Variants in PREX1 observed in about 807,000 individuals in gnomAD.
The protein encoded by PREX1 is phosphatidylinositol-3,4,5-trisphosphate dependent Rac exchange factor 1, also known as phosphatidylinositol 3,4,5-trisphosphate-dependent Rac exchanger 1 protein.
Under a neutral mutation model 198.3 loss-of-function variants are expected in PREX1, and 41 were observed. That is an observed-to-expected ratio of 0.21 (90% CI 0.16 to 0.27). The LOEUF (loss-of-function observed/expected upper bound fraction) is 0.27, where lower values mean the gene tolerates loss of function less well. Ranked by LOEUF, PREX1 falls within the 10% of genes least tolerant of loss-of-function variation. The pLI, the probability that PREX1 is intolerant of heterozygous loss-of-function variation, is 1.00. For synonymous variants in PREX1, 843 were observed against 887.2 expected, an observed-to-expected ratio of 0.95 and a Z score of 0.89; for missense variants, 1,620 against 2,200.7, an observed-to-expected ratio of 0.74 and a Z score of 5.28.
the PREX1 span, among the ~76,000 whole-genome samples, chr20:48,885,157 A>G: frequency 6.6e-6 from 1 of 152,226 alleles, no homozygotes; most frequent in Non-Finnish European, 1.5e-5. Flanking sequence ...CATAATAAGG[A>G]GTCTAATACT....
intron 5 of PREX1, 56 bp from the exon 6 acceptor site, chr20:48,708,477 G>C: frequency 6.4e-7 from 1 of 1,573,856 alleles, no homozygotes; most frequent in Non-Finnish European, 8.7e-7. Context: ...ATCCAGAGGA[G>C]ACCCAGGCCA....
rs184254083 is a variant in PREX1, at chr20:48,799,191, T to C, written c.219+28451A>G. Among the ~76,000 whole-genome samples the C allele has an allele frequency of 1.1e-3, 169 of 152,296 alleles. 1 individual carries two copies. Among genetic ancestry groups the C allele is most frequent in the African/African-American group, 3.8e-3 (159 of 41,564 alleles). On this transcript the variant is annotated intron_variant, in intron 1 of 39. Transcript: ENST00000371941. ...GCCACCCCACCTGGCCCTGAATAAATAGCATTTTAATTTAAAATATAACAG... is the reference window on the plus strand; with the variant it reads ...GCCACCCCACCTGGCCCTGAATAAACAGCATTTTAATTTAAAATATAACAG...
rs370929900 is a variant in PREX1, at chr20:48,653,343, G to C, written c.2346+18C>G. The C allele has an allele frequency of 6.8e-6, 11 of 1,606,894 alleles. 1 individual carries two copies. In the Middle Eastern group the frequency reaches 1.7e-3, roughly 242 times the overall value. On this transcript the variant is annotated intron_variant, in intron 20 of 39. Coordinates refer to ENST00000371941, the MANE Select transcript of PREX1 (RefSeq NM_020820.4). ...TCAGCAGGACTTCTTTGACGGCCCCGGTTTCCAGTAAACTTACCAGGGCCT... is the reference window on the plus strand; with the variant it reads ...TCAGCAGGACTTCTTTGACGGCCCCCGTTTCCAGTAAACTTACCAGGGCCT...
chr20:48,700,822 G>A lies in PREX1; in HGVS notation c.848C>T (p.Ala283Val), dbSNP rs746332373. The A allele has an allele frequency of 1.1e-5, 17 of 1,614,044 alleles. No homozygotes were observed. The highest frequency in any genetic ancestry group is 2.2e-5 in the East Asian group (1 of 44,894). ...GAAGGCCCTTTCCTGGATGTTGCCCGCAGAGATCTTTAACAAAGTCCCTTG... is the reference window on the plus strand; with the variant it reads ...GAAGGCCCTTTCCTGGATGTTGCCCACAGAGATCTTTAACAAAGTCCCTTG... ...LLQGTLLKIS[A>V]GNIQERAFFL... The change falls in exon 7 of 40, where the codon GCG becomes GTG. Residue 283 changes from alanine (A) to valine (V), a missense_variant. Transcript: ENST00000371941.
intron 10 of PREX1, among the ~76,000 whole-genome samples, chr20:48,682,870 C>G (rs1363692451): frequency 6.6e-6 from 1 of 152,212 alleles, no homozygotes; most frequent in African/African-American, 2.4e-5. Context: ...CCCTGCTTAT[C>G]GAAACCAGCT....
At chr20:48,628,611 T>G (rs1425565710) in intron 37 of PREX1, among the ~76,000 whole-genome samples, 27 of 152,168 alleles carry the variant, frequency 1.8e-4, no homozygotes, top group Admixed American at 1.8e-3. Context: ...CTCCCTCCCC[T>G]AAGTTGTGAC....
At chr20:48,856,988 T>C in the PREX1 span, among the ~76,000 whole-genome samples, 1 of 152,160 alleles carries the variant, frequency 6.6e-6, no homozygotes, top group African/African-American at 2.4e-5. Context: ...TACAGGTGCA[T>C]GCCACCATGC....
At chr20:48,885,634 A>C in the PREX1 span, among the ~76,000 whole-genome samples, 1 of 151,624 alleles carries the variant, frequency 6.6e-6, no homozygotes, top group African/African-American at 2.4e-5. Context: ...CATAGTTGCC[A>C]AAATCTTGGA....
In PREX1 at chr20:48,636,689, G is replaced by C. The variant is rs1251121899; in HGVS notation, c.3947-6C>G. ...GCGCAGCTGCAGCTCCGTGTCTGGG[G>C]GCAGAGGGCAGGAGGCCTTGCTGGA... On this transcript the variant is annotated splice_region_variant and splice_polypyrimidine_tract_variant and intron_variant, in intron 31 of 39. Coordinates refer to ENST00000371941, the MANE Select transcript of PREX1 (RefSeq NM_020820.4). 6 of 1,593,838 alleles carry C rather than the reference G, an allele frequency of 3.8e-6. No homozygotes were observed. The South Asian group carries it at 5.6e-5, about 15-fold the overall frequency.
chr20:48,660,126 A>C (rs765743931), intron 15 of PREX1, 65 bp from the exon 16 acceptor site: 11 of 1,594,358 alleles, frequency 6.9e-6, no homozygotes, highest in Non-Finnish European at 9.4e-6. Flanking sequence ...CATGTTTGCC[A>C]ACTGGCAGGC....
the PREX1 span, among the ~76,000 whole-genome samples, chr20:48,837,995 A>G: frequency 6.6e-6 from 1 of 152,208 alleles, no homozygotes; most frequent in African/African-American, 2.4e-5. Context: ...ATTATACATG[A>G]TGTAGGTATG....
rs1331477308 is a variant in PREX1 at position 48,632,256 on chromosome 20, A to G, written c.4526+21T>C. On this transcript the variant is annotated intron_variant, in intron 35 of 39. Coordinates refer to ENST00000371941, the MANE Select transcript of PREX1 (RefSeq NM_020820.4). ...GGAGGTTTCCTGACTCCTGCCCCCAACGGGGACCCCAGGCGGATACCTGAG... is the reference window on the plus strand; with the variant it reads ...GGAGGTTTCCTGACTCCTGCCCCCAGCGGGGACCCCAGGCGGATACCTGAG... 4 of 1,612,092 alleles carry G rather than the reference A, an allele frequency of 2.5e-6. No individual in the cohort carries two copies. The East Asian group carries it at 8.9e-5, about 36-fold the overall frequency.
At chr20:48,723,371 GA>G (rs2089994498) in intron 5 of PREX1, among the ~76,000 whole-genome samples, 1 of 152,216 alleles carries the variant, frequency 6.6e-6, no homozygotes, top group Admixed American at 6.5e-5. Context: ...CAGAAAGAAG[GA>G]ACTCCGGAGG....
chr20:48,773,457 A>G (rs762429916), intron 1 of PREX1, among the ~76,000 whole-genome samples: 1 of 152,148 alleles, frequency 6.6e-6, no homozygotes, highest in Non-Finnish European at 1.5e-5. Context: ...CCAACCACAG[A>G]GCAGCAAGGA....
At chr20:48,771,882 T>C (rs938384390) in intron 1 of PREX1, among the ~76,000 whole-genome samples, 8 of 152,172 alleles carry the variant, frequency 5.3e-5, no homozygotes, top group Non-Finnish European at 1.0e-4. Flanking sequence ...ATTACTTGCA[T>C]TTGATTTTCC....
At chr20:48,782,546 T>C (rs1019012930) in intron 1 of PREX1, among the ~76,000 whole-genome samples, 1 of 152,172 alleles carries the variant, frequency 6.6e-6, no homozygotes, top group African/African-American at 2.4e-5. Context: ...TCTATGAATA[T>C]GTCCTGTTAA....
the PREX1 span, among the ~76,000 whole-genome samples, chr20:48,833,811 C>T: frequency 6.6e-6 from 1 of 152,104 alleles, no homozygotes; most frequent in Admixed American, 6.5e-5. Flanking sequence ...CAGCCGGGCG[C>T]GGTGGCTCAC....
chr20:48,632,406 G>A lies in PREX1; in HGVS notation c.4412-15C>T. The A allele has an allele frequency of 6.2e-7, 1 of 1,613,430 alleles. No individual in the cohort carries two copies. Among genetic ancestry groups the A allele is most frequent in the East Asian group, 2.2e-5 (1 of 44,872 alleles). Reference sequence around the variant, plus strand: ...GTTCTCCAGCACTGGGAGGGGAGATGTCGGGGGCGGGCAGGCGGTTGGGAG... The same window carrying A: ...GTTCTCCAGCACTGGGAGGGGAGATATCGGGGGCGGGCAGGCGGTTGGGAG... On this transcript the variant is annotated splice_polypyrimidine_tract_variant and intron_variant, in intron 34 of 39. Transcript: ENST00000371941.
At chr20:48,803,003 C>G (rs2090394485) in intron 1 of PREX1, among the ~76,000 whole-genome samples, 1 of 152,216 alleles carries the variant, frequency 6.6e-6, no homozygotes, top group African/African-American at 2.4e-5. Flanking sequence ...CGTCTCATCT[C>G]CTGGGAGCTT....
Sources: allele counts gnomAD v4.1 joint callset (sites outside exome capture counted in the v4.1 genomes callset), GRCh38; gene constraint gnomAD v4.1.1; transcripts MANE v1.5; gene names NCBI Gene and HGNC (gene_info 2026-07-23, HGNC 2026-07-21).